SUCLG1: variants seen among roughly 807,000 people sequenced by gnomAD.
SUCLG1 encodes the protein succinate--CoA ligase [ADP/GDP-forming] subunit alpha, mitochondrial.
SUCLG1 carries 26 observed loss-of-function variants against 37.3 expected under a neutral mutation model. The ratio of observed to expected loss-of-function variants is 0.70; its 90% CI spans 0.51 to 0.97. The LOEUF (loss-of-function observed/expected upper bound fraction) is 0.97. SUCLG1 is among the 50% of genes least tolerant of loss of function. The pLI is 0.00. For missense variants in SUCLG1, 433 were observed against 432.9 expected (o/e 1.00, Z 0.00); for synonymous variants, 163 against 155.6 (o/e 1.05, Z -0.36).
At chr2:84,430,010 A>G (rs908455635) in intron 7 of SUCLG1, among the ~76,000 whole-genome samples, 1 of 152,226 alleles carries the variant, frequency 6.6e-6, no homozygotes, top group Admixed American at 6.5e-5. Flanking sequence ...GAGTAGAAAC[A>G]GGATAAGAGA....
intron 5 of SUCLG1, 105 bp from the exon 6 acceptor site, chr2:84,433,540 A>C (rs1369478996): frequency 7.8e-6 from 7 of 900,758 alleles, no homozygotes; most frequent in Non-Finnish European, 1.1e-5. Flanking sequence ...TAGGTATAAA[A>C]TTCATTCCAT....
At chr2:84,424,306 T>C (rs1008045343) in intron 8 of SUCLG1, among the ~76,000 whole-genome samples, 6 of 152,248 alleles carry the variant, frequency 3.9e-5, no homozygotes, top group Admixed American at 6.5e-5. Context: ...CATATTTTTC[T>C]AGATTGTAAC....
At chr2:84,430,656 A>C (rs1672600943) in intron 7 of SUCLG1, among the ~76,000 whole-genome samples, 1 of 152,182 alleles carries the variant, frequency 6.6e-6, no homozygotes, top group Non-Finnish European at 1.5e-5. Context: ...CATTTAATTC[A>C]TTCACTGGTG....
At chr2:84,423,845 C>G in intron 8 of SUCLG1, 73 bp from the exon 9 acceptor site, 8 of 1,487,168 alleles carry the variant, frequency 5.4e-6, no homozygotes, top group Non-Finnish European at 7.4e-6. Flanking sequence ...CATTTAGGAT[C>G]AAAATGATTT....
At chr2:84,426,171 C>T (rs1672533106) in intron 7 of SUCLG1, 1 of 160,286 alleles carries the variant, frequency 6.2e-6, no homozygotes, top group Non-Finnish European at 1.4e-5. Flanking sequence ...TGCCCAAAAG[C>T]CCTTTCCACT....
intron 5 of SUCLG1, among the ~76,000 whole-genome samples, chr2:84,440,149 C>G (rs1672745894): frequency 6.6e-6 from 1 of 152,138 alleles, no homozygotes; most frequent in Admixed American, 6.5e-5. Context: ...CCGAGGCCAG[C>G]AGATCACCTG....
At chr2:84,443,477 CT>C in intron 2 of SUCLG1, 77 bp from the exon 3 acceptor site, 1 of 1,250,126 alleles carries the variant, frequency 8.0e-7, no homozygotes, top group Non-Finnish European at 1.2e-6. Context: ...ATCTTAGCAA[CT>C]TAGGAAAAGA....
At chr2:84,448,296 C>A (rs376798641) in intron 2 of SUCLG1, among the ~76,000 whole-genome samples, 2 of 151,730 alleles carry the variant, frequency 1.3e-5, no homozygotes, top group African/African-American at 2.4e-5. Flanking sequence ...TTTATTGGAA[C>A]GCACCCAGGC....
rs762606284 is a variant in SUCLG1, at chr2:84,441,448, C to CT, written c.329dup (p.Thr111AspfsTer20). 1 of 1,614,090 alleles carries CT rather than the reference C, an allele frequency of 6.2e-7. No individual in the cohort carries two copies. On this transcript the variant is annotated frameshift_variant, in exon 4 of 9. Transcript: ENST00000393868. LOFTEE classifies it high-confidence loss of function. Reference sequence around the variant, plus strand: ...AAATGACAGAAGCCGTTGCTCCTGTCTGTTCTTTGGCCTGAAACATTAACG... The same window carrying CT: ...AAATGACAGAAGCCGTTGCTCCTGTCTTGTTCTTTGGCCTGAAACATTAACG...
At chr2:84,449,535 A>G (rs1339209147) in intron 2 of SUCLG1, 114 bp downstream of exon 2, 2 of 712,956 alleles carry the variant, frequency 2.8e-6, no homozygotes, top group East Asian at 2.8e-5. Flanking sequence ...ATTGCTGTAC[A>G]GTATATTTTT....
At chr2:84,439,751 A>C (rs1327828591) in intron 5 of SUCLG1, among the ~76,000 whole-genome samples, 1 of 152,198 alleles carries the variant, frequency 6.6e-6, no homozygotes. Context: ...AGTTTAGAGA[A>C]ATTTTGGTGT....
intron 7 of SUCLG1, among the ~76,000 whole-genome samples, chr2:84,428,895 G>A (rs1042257169): frequency 1.3e-5 from 2 of 152,120 alleles, no homozygotes; most frequent in African/African-American, 2.4e-5. Context: ...ACAAACCTGG[G>A]TATGAATCTC....
intron 5 of SUCLG1, among the ~76,000 whole-genome samples, chr2:84,439,863 T>A (rs1237664809): frequency 6.6e-6 from 1 of 152,232 alleles, no homozygotes; most frequent in Non-Finnish European, 1.5e-5. Flanking sequence ...TGACAGGCCA[T>A]CTGAGTTCCC....
chr2:84,445,329 C>T (rs1269435351), intron 2 of SUCLG1, among the ~76,000 whole-genome samples: 1 of 152,212 alleles, frequency 6.6e-6, no homozygotes, highest in Non-Finnish European at 1.5e-5. Context: ...TTAGACTTCT[C>T]TTTTTCATCT....
Position 84,423,609 on chromosome 2 carries a change from T to C in SUCLG1, c.*137A>G. On this transcript the variant is annotated 3_prime_UTR_variant, in exon 9 of 9. Coordinates refer to ENST00000393868, the MANE Select transcript of SUCLG1 (RefSeq NM_003849.4). ...TCTTAATTCAGGACATCTTCCACCT[T>C]GTTTTGGCTTCCAGTTGTACTGCAA... The C allele has an allele frequency of 1.2e-6, 1 of 812,906 alleles. No individual in the cohort carries two copies. Among genetic ancestry groups the C allele is most frequent in the Non-Finnish European group, 2.1e-6 (1 of 477,010 alleles). The allele number at this position is 812,906 out of a possible 1,614,324, so 50.4% of individuals were successfully genotyped here.
At chr2:84,432,429 C>T (rs1010932312) in intron 6 of SUCLG1, 1 of 152,204 alleles carries the variant, frequency 6.6e-6, no homozygotes, top group East Asian at 1.9e-4. Context: ...TGCTTTGGCA[C>T]ACGTTAGATC....
chr2:84,444,380 T>C (rs994244620), intron 2 of SUCLG1, among the ~76,000 whole-genome samples: 5 of 152,180 alleles, frequency 3.3e-5, no homozygotes, highest in African/African-American at 9.7e-5. Flanking sequence ...GGTTCCATGA[T>C]GCCCCCTAAG....
At chr2:84,436,830 A>G (rs1279806630) in intron 5 of SUCLG1, among the ~76,000 whole-genome samples, 1 of 152,232 alleles carries the variant, frequency 6.6e-6, no homozygotes, top group Non-Finnish European at 1.5e-5. Flanking sequence ...CAATGGGTCA[A>G]TAAATAAGAG....
Position 84,440,177 on chromosome 2 carries a change from C to G in SUCLG1, c.589+870G>C, listed in dbSNP as rs184896688. Among the ~76,000 whole-genome samples, 1,015 of 152,266 alleles carry G rather than the reference C, an allele frequency of 6.7e-3. 10 individuals are homozygous for G. The highest frequency in any genetic ancestry group is 7.9e-3 in the Non-Finnish European group (535 of 68,014). On this transcript the variant is annotated intron_variant, in intron 5 of 8. Coordinates refer to ENST00000393868, the MANE Select transcript of SUCLG1 (RefSeq NM_003849.4). The stretch of plus-strand genomic sequence containing the variant: ...ATCACCTGAGGTCGGGAGTTCGAGG[C>G]CAGCCTGACCAACATGGAGAAACCC...
Sources: allele counts gnomAD v4.1 joint callset (sites outside exome capture counted in the v4.1 genomes callset), GRCh38; gene constraint gnomAD v4.1.1; transcripts MANE v1.5; gene names NCBI Gene and HGNC (gene_info 2026-07-23, HGNC 2026-07-21).